Variants in PRKG1 observed in about 807,000 individuals in gnomAD.
PRKG1 encodes cGMP-dependent protein kinase 1.
Under a neutral mutation model 88.1 loss-of-function variants are expected in PRKG1, and 35 were observed. The observed-to-expected ratio is 0.40, with a 90% CI of 0.30 to 0.53. PRKG1 has a LOEUF of 0.53. PRKG1 is among the 20% of genes least tolerant of loss of function. The pLI, the probability that PRKG1 is intolerant of heterozygous loss-of-function variation, is 0.59. For synonymous variants in PRKG1, 303 were observed against 292.5 expected (o/e 1.04, Z -0.37); for missense variants, 540 against 839.8 (o/e 0.64, Z 4.41).
chr10:52,193,563 C>A (rs150294147), intron 9 of PRKG1, among the ~76,000 whole-genome samples: 3,032 of 117,810 alleles, frequency 0.026, 153 homozygotes, highest in African/African-American at 0.073. Context: ...AAAAAAAAAA[C>A]AAAAAAAAAA....
chr10:51,151,563 GT>G (rs201722652), intron 1 of PRKG1, among the ~76,000 whole-genome samples: 1,434 of 99,218 alleles, frequency 0.014, 28 homozygotes, highest in African/African-American at 0.064. Context: ...CTATGTTTTT[GT>G]TTTTGTTTTT....
In PRKG1 at chr10:51,740,836, G is replaced by A. The variant is rs116831209; in HGVS notation, c.593-63749G>A. The stretch of plus-strand genomic sequence containing the variant: ...TATCTCCATTCCTTTAGCTGAGGTA[G>A]GTGGAATTTCGCTCTGAGGCTCAAA... On this transcript the variant is annotated intron_variant, in intron 3 of 17. Coordinates refer to ENST00000373980, the MANE Select transcript of PRKG1 (RefSeq NM_006258.4). Among the ~76,000 whole-genome samples the A allele has an allele frequency of 5.3e-3, 805 of 152,036 alleles. 5 individuals carry two copies. Among genetic ancestry groups the A allele is most frequent in the African/African-American group, 0.018 (739 of 41,450 alleles).
chr10:51,035,487 GGCT>G (rs1257663993), intron 1 of PRKG1, among the ~76,000 whole-genome samples: 5 of 152,030 alleles, frequency 3.3e-5, no homozygotes, highest in Admixed American at 2.0e-4. Context: ...TCAATAACCT[GGCT>G]TTATTAACAT....
chr10:51,903,254 G>T (rs1842018588), intron 4 of PRKG1, among the ~76,000 whole-genome samples: 1 of 151,834 alleles, frequency 6.6e-6, no homozygotes, highest in Non-Finnish European at 1.5e-5. Flanking sequence ...GACTGGACTT[G>T]GTTTGAAAAC....
At chr10:52,280,334 A>T (rs952713402) in intron 12 of PRKG1, among the ~76,000 whole-genome samples, 4 of 152,146 alleles carry the variant, frequency 2.6e-5, no homozygotes, top group African/African-American at 9.7e-5. Flanking sequence ...TATCTGCATT[A>T]TTTAGAAAGA....
At chr10:52,027,095 C>T (rs1845360689) in intron 5 of PRKG1, among the ~76,000 whole-genome samples, 1 of 152,202 alleles carries the variant, frequency 6.6e-6, no homozygotes, top group Admixed American at 6.5e-5. Flanking sequence ...TAACCTATAA[C>T]TCAATCCATG....
intron 9 of PRKG1, among the ~76,000 whole-genome samples, chr10:52,247,225 A>T (rs1841048088): frequency 1.3e-5 from 2 of 152,186 alleles, no homozygotes; most frequent in Admixed American, 6.5e-5. Context: ...ATTAAAAATG[A>T]TTAGAAAATG....
rs1175834920 is a variant in PRKG1 at position 51,856,003 on chromosome 10, G to A, written c.698+51313G>A. Reference sequence around the variant, plus strand: ...CTTCCAGAGACTCCAGGGAAGATCTGTTCCTTTTCTCTCCCAGCTTTTAGA... The same window carrying A: ...CTTCCAGAGACTCCAGGGAAGATCTATTCCTTTTCTCTCCCAGCTTTTAGA... On this transcript the variant is annotated intron_variant, in intron 4 of 17. Coordinates refer to ENST00000373980, the MANE Select transcript of PRKG1 (RefSeq NM_006258.4). 5.3e-5 allele frequency among the ~76,000 whole-genome samples: 8 copies of A among 152,182 alleles called. No individual in the cohort carries two copies. In the South Asian group the frequency reaches 6.2e-4, roughly 12 times the overall value.
chr10:51,030,340 T>C (rs1223829433), intron 1 of PRKG1, among the ~76,000 whole-genome samples: 1 of 152,168 alleles, frequency 6.6e-6, no homozygotes, highest in East Asian at 1.9e-4. Context: ...TTGTCACGTT[T>C]TCACTTGCCT....
intron 7 of PRKG1, among the ~76,000 whole-genome samples, chr10:52,110,029 G>T (rs1249503642): frequency 6.6e-6 from 1 of 151,650 alleles, no homozygotes; most frequent in Non-Finnish European, 1.5e-5. Context: ...CACTGGGAAG[G>T]TGCTACTCAA....
chr10:51,753,245 A>C (rs1188316793), intron 3 of PRKG1, among the ~76,000 whole-genome samples: 1 of 152,306 alleles, frequency 6.6e-6, no homozygotes, highest in Non-Finnish European at 1.5e-5. Context: ...TATAATGATT[A>C]AAATCTACAT....
At chr10:51,088,684 T>C (rs1220085507) in intron 1 of PRKG1, among the ~76,000 whole-genome samples, 3 of 152,288 alleles carry the variant, frequency 2.0e-5, no homozygotes, top group Admixed American at 6.5e-5. Flanking sequence ...TTGACTGTTA[T>C]TGGTTAACAA....
At chr10:51,385,395 A>G (rs1837224534) in intron 2 of PRKG1, among the ~76,000 whole-genome samples, 1 of 152,222 alleles carries the variant, frequency 6.6e-6, no homozygotes, top group African/African-American at 2.4e-5. Context: ...TAAGGACAAT[A>G]TATCAAATAA....
At chr10:51,740,710 C>A (rs1347279930) in intron 3 of PRKG1, among the ~76,000 whole-genome samples, 1 of 152,090 alleles carries the variant, frequency 6.6e-6, no homozygotes, top group Non-Finnish European at 1.5e-5. Flanking sequence ...GTCTCAAGGA[C>A]TCTAAGTGTT....
intron 3 of PRKG1, among the ~76,000 whole-genome samples, chr10:51,676,155 G>A (rs1840705429): frequency 6.6e-6 from 1 of 151,604 alleles, no homozygotes; most frequent in African/African-American, 2.4e-5. Context: ...GTTCAGTAGA[G>A]CAATAGAGTA....
intron 3 of PRKG1, among the ~76,000 whole-genome samples, chr10:51,746,404 C>T (rs1837579870): frequency 6.6e-6 from 1 of 152,058 alleles, no homozygotes; most frequent in African/African-American, 2.4e-5. Flanking sequence ...TGGACTCAAG[C>T]TCTCCCTATA....
chr10:51,925,146 G>A (rs941909165), intron 5 of PRKG1, among the ~76,000 whole-genome samples: 4 of 151,086 alleles, frequency 2.6e-5, no homozygotes, highest in African/African-American at 9.7e-5. Context: ...TTGAAATTTG[G>A]GTATGATGTT....
At chr10:51,735,393 C>A (rs1258133842) in intron 3 of PRKG1, among the ~76,000 whole-genome samples, 1 of 151,882 alleles carries the variant, frequency 6.6e-6, no homozygotes, top group African/African-American at 2.4e-5. Flanking sequence ...TTTTCTATGC[C>A]AATTAGTTTT....
rs867624024 is a variant in PRKG1, at chr10:51,113,756, G to T, written c.311+38855G>T. Among the ~76,000 whole-genome samples, 494 of 112,422 alleles carry T rather than the reference G, an allele frequency of 4.4e-3. 3 individuals carry two copies. Among genetic ancestry groups the T allele is most frequent in the African/African-American group, 0.016 (479 of 29,692 alleles). 73.8% of individuals were successfully genotyped at this position (112,422 alleles called of 152,430 possible). On this transcript the variant is annotated intron_variant, in intron 1 of 17. Coordinates refer to ENST00000373980, the MANE Select transcript of PRKG1 (RefSeq NM_006258.4). ...AAAAAAAAAAAAAAAAAAACTAAAA[G>T]AAGAGGAAAAGTGAAAGCCTCAATA...
Sources: gnomAD v4.1 joint callset for allele counts (sites outside exome capture counted in the v4.1 genomes callset) on GRCh38, gnomAD v4.1.1 for gene constraint, MANE v1.5 for transcripts, NCBI Gene and HGNC (gene_info 2026-07-23, HGNC 2026-07-21) for gene names.